Variants in RNF123 observed in about 807,000 individuals in gnomAD.
RNF123 encodes E3 ubiquitin-protein ligase RNF123.
A neutral mutation model predicts 168.5 loss-of-function variants in RNF123; 86 were observed. That is an observed-to-expected ratio of 0.51 (90% CI 0.43 to 0.61). The LOEUF (loss-of-function observed/expected upper bound fraction) is 0.61. Ranked by LOEUF, RNF123 falls within the 20% of genes least tolerant of loss-of-function variation. The pLI is 0.00. For missense variants in RNF123, 1,419 were observed against 1,729.7 expected (o/e 0.82, Z 3.19); for synonymous variants, 666 against 689.1 (o/e 0.97, Z 0.52).
intron 23 of RNF123, 27 bp from the exon 24 acceptor site, chr3:49,705,507 T>C: frequency 5.7e-6 from 9 of 1,566,890 alleles, no homozygotes; most frequent in Non-Finnish European, 7.8e-6. Flanking sequence ...GGCCCTACCC[T>C]TGACCCTTCC....
intron 8 of RNF123, 112 bp from the exon 9 acceptor site, chr3:49,698,643 C>G (rs1462237563): frequency 6.5e-7 from 1 of 1,532,224 alleles, no homozygotes; most frequent in African/African-American, 1.4e-5. Context: ...GGACCCAGGT[C>G]CTTTGTCCTT....
rs560936348 is a variant in RNF123 at position 49,705,525 on chromosome 3, A to C, written c.2159-9A>C. 6.3e-7 allele frequency: 1 copy of C among 1,579,332 alleles called. No homozygotes were observed. Among genetic ancestry groups the C allele is most frequent in the South Asian group, 1.2e-5 (1 of 85,692 alleles). ...CCTACCCTTGACCCTTCCCTCCCCA[A>C]CTCCCCAGTTGAAGGCAGCCACTGG... On this transcript the variant is annotated splice_polypyrimidine_tract_variant and intron_variant, in intron 23 of 38. Coordinates refer to ENST00000327697, the MANE Select transcript of RNF123 (RefSeq NM_022064.5).
rs757328104 is a variant in RNF123, at chr3:49,701,861, G to C, written c.1446G>C (p.Arg482=). 1 of 1,570,850 alleles carries C rather than the reference G, an allele frequency of 6.4e-7. No individual in the cohort carries two copies. Among genetic ancestry groups the C allele is most frequent in the Non-Finnish European group, 8.6e-7 (1 of 1,158,592 alleles). Residue 482 remains arginine, a synonymous_variant, in exon 17 of 39, where the codon CGG becomes CGC. Transcript: ENST00000327697. ...AGGAGACCGCAGAGGAGCGGCTGCG[G>C]CGGCGAGCCTACGAACGGGGCTGTC... ...MKEETAEERL[R]RRAYERGCQR...
At chr3:49,718,798 C>G (rs2080313341) in intron 35 of RNF123, 6 of 1,613,058 alleles carry the variant, frequency 3.7e-6, no homozygotes, top group African/African-American at 1.3e-5. Context: ...GCGGCAGTCG[C>G]AAGGCAAAGG....
chr3:49,700,128 C>T (rs1242241050), intron 12 of RNF123, 99 bp from the exon 13 acceptor site: 127 of 1,545,820 alleles, frequency 8.2e-5, no homozygotes, highest in Non-Finnish European at 1.1e-4. Flanking sequence ...TGGCTCAAGG[C>T]TCTGTGCCTG....
rs1447076779 is a variant in RNF123, at chr3:49,702,126, C to T, written c.1539C>T (p.Asp513=). Residue 513 remains aspartate, a synonymous_variant, in exon 18 of 39, where the codon GAC becomes GAT. Coordinates refer to ENST00000327697, the MANE Select transcript of RNF123 (RefSeq NM_022064.5). The stretch of plus-strand genomic sequence containing the variant: ...TCCAGATCCTGAAGCTGCTGCTGGA[C>T]AATAAAGATGACAATGGGGTGAGTG... ...LQVQILKLLL[D]NKDDNGGEAS... 6.2e-7 allele frequency: 1 copy of T among 1,614,090 alleles called. No homozygotes were observed.
chr3:49,697,433 C>T lies in RNF123; in HGVS notation c.318C>T (p.Leu106=). 6.2e-7 allele frequency: 1 copy of T among 1,609,678 alleles called. No homozygotes were observed. The highest frequency in any genetic ancestry group is 8.5e-7 in the Non-Finnish European group (1 of 1,177,736). The part of the protein sequence containing the change: ...LDHTGGFEGL[L]LVDDDLLGVI... The stretch of plus-strand genomic sequence containing the variant: ...ACACAGGCGGCTTTGAGGGGCTTCT[C>T]CTGGTGGATGATGACCTGCTGGGGG... The change falls in exon 5 of 39, where the codon CTC becomes CTT. Residue 106 remains leucine (L), a synonymous_variant. Coordinates refer to ENST00000327697, the MANE Select transcript of RNF123 (RefSeq NM_022064.5).
At chr3:49,701,774 G>A (rs1431580346) in intron 16 of RNF123, 37 bp from the exon 17 acceptor site, 3 of 1,550,348 alleles carry the variant, frequency 1.9e-6, no homozygotes, top group African/African-American at 1.4e-5. Flanking sequence ...TAGGTCCCAG[G>A]TGACCCTGCT....
At chr3:49,693,752 A>G (rs1285805204) in intron 3 of RNF123, among the ~76,000 whole-genome samples, 5 of 151,590 alleles carry the variant, frequency 3.3e-5, no homozygotes, top group Non-Finnish European at 7.4e-5. Context: ...GGGTTCCACA[A>G]CCTCGCCAGC....
rs773489337 is a variant in RNF123, at chr3:49,716,226, C to T, written c.3415+49C>T. 1.2e-5 allele frequency: 20 copies of T among 1,600,382 alleles called. No individual in the cohort carries two copies. In the Admixed American group the frequency reaches 1.3e-4, roughly 11 times the overall value. On this transcript the variant is annotated intron_variant, in intron 34 of 38. Coordinates refer to ENST00000327697, the MANE Select transcript of RNF123 (RefSeq NM_022064.5). ...CCCAACACACTACAGGCCTCGGTTC[C>T]TCTGCTAGGAACAGTGAGGCCTGAT...
At position 49,721,321 on chromosome 3, in the gene RNF123, C is replaced by G; in HGVS notation, c.*16C>G. 1 of 1,614,096 alleles carries G rather than the reference C, an allele frequency of 6.2e-7. No individual in the cohort carries two copies. Among genetic ancestry groups the G allele is most frequent in the South Asian group, 1.1e-5 (1 of 91,072 alleles). On this transcript the variant is annotated 3_prime_UTR_variant, in exon 39 of 39. Coordinates refer to ENST00000327697, the MANE Select transcript of RNF123 (RefSeq NM_022064.5). ...AGCTGCCTAGCCCTCACAGCCTGTG[C>G]CATCCTGGAACCTCCACCTTTGAAC...
intron 35 of RNF123, 190 bp from the exon 36 acceptor site, chr3:49,720,321 A>G: frequency 6.3e-6 from 3 of 478,340 alleles, no homozygotes; most frequent in Non-Finnish European, 1.0e-5. Context: ...TCTCAAGAAA[A>G]AAAAAAAAAA....
intron 35 of RNF123, 76 bp downstream of exon 35, chr3:49,716,553 T>A: frequency 8.1e-7 from 1 of 1,235,996 alleles, no homozygotes; most frequent in Non-Finnish European, 1.2e-6. Context: ...GGCCTCCTGG[T>A]ACTTCAGTTT....
Position 49,702,754 on chromosome 3 carries a change from G to C in RNF123, c.1750+1G>C. Reference sequence around the variant, plus strand: ...AATCCTCATGCTTCCTTCAGTGAGGGTGAGTGGCACCGGGGTCCCAGGTCA... The same window carrying C: ...AATCCTCATGCTTCCTTCAGTGAGGCTGAGTGGCACCGGGGTCCCAGGTCA... On this transcript the variant is annotated splice_donor_variant, in intron 20 of 38. Transcript: ENST00000327697. LOFTEE classifies it high-confidence loss of function. 6.2e-7 allele frequency: 1 copy of C among 1,614,156 alleles called. No individual in the cohort carries two copies. The highest frequency in any genetic ancestry group is 8.5e-7 in the Non-Finnish European group (1 of 1,179,966).
rs754425749 is a variant in RNF123, at chr3:49,701,555, G to T, written c.1342G>T (p.Gly448Cys). The change falls in exon 16 of 39, where the codon GGC becomes TGC. Residue 448 changes from glycine (G) to cysteine (C), a missense_variant. Transcript: ENST00000327697. ...IKSPLRVEEAGLQELIPTTWW... is the reference protein window; with the variant it reads ...IKSPLRVEEACLQELIPTTWW... The stretch of plus-strand genomic sequence containing the variant: ...GAGCCCCCTGCGTGTGGAGGAGGCC[G>T]GCCTGCAGGAGCTCATTCCCACCAC... 1 of 1,613,832 alleles carries T rather than the reference G, an allele frequency of 6.2e-7. No individual in the cohort carries two copies. The highest frequency in any genetic ancestry group is 8.5e-7 in the Non-Finnish European group (1 of 1,180,014).
At chr3:49,702,016 A>G in intron 17 of RNF123, 67 bp from the exon 18 acceptor site, 1 of 1,576,550 alleles carries the variant, frequency 6.3e-7, no homozygotes, top group Non-Finnish European at 8.6e-7. Context: ...CTGGTGGTGG[A>G]GCCCTGGCCC....
chr3:49,718,445 T>C (rs2080301292), intron 35 of RNF123: 1 of 1,612,980 alleles, frequency 6.2e-7, no homozygotes, highest in South Asian at 1.1e-5. Context: ...TCCTGTACGT[T>C]GCCTATGGCC....
At position 49,691,172 on chromosome 3, in the gene RNF123, TC is replaced by T; in HGVS notation, c.9del (p.Lys4ArgfsTer14). 2 of 1,613,778 alleles carry T rather than the reference TC, an allele frequency of 1.2e-6. No homozygotes were observed. The highest frequency in any genetic ancestry group is 1.7e-6 in the Non-Finnish European group (2 of 1,179,760). On this transcript the variant is annotated frameshift_variant, in exon 2 of 39. Coordinates refer to ENST00000327697, the MANE Select transcript of RNF123 (RefSeq NM_022064.5). LOFTEE classifies it high-confidence loss of function. ...TGCCCATGAGAGATGAAGGATGGCATCCAAGGGGGCCGGCATGTCTTTCTCC... is the reference window on the plus strand; with the variant it reads ...TGCCCATGAGAGATGAAGGATGGCATCAAGGGGGCCGGCATGTCTTTCTCC... MA[S>X]KGAGMSFSRK... is the part of the protein sequence containing the mutation.
chr3:49,706,088 G>A (rs763933613), intron 25 of RNF123, 23 bp downstream of exon 25: 5 of 1,606,946 alleles, frequency 3.1e-6, no homozygotes, highest in Admixed American at 3.3e-5. Context: ...TAGTCTTGGT[G>A]AGGGGCAGCT....
Sources: allele counts gnomAD v4.1 joint callset (sites outside exome capture counted in the v4.1 genomes callset), GRCh38; gene constraint gnomAD v4.1.1; transcripts MANE v1.5; gene names NCBI Gene and HGNC (gene_info 2026-07-23, HGNC 2026-07-21).